OSBPL3: variants seen among roughly 807,000 people sequenced by gnomAD.
The protein encoded by OSBPL3 is oxysterol-binding protein-related protein 3.
A neutral mutation model predicts 120.1 loss-of-function variants in OSBPL3; 65 were observed. That is an observed-to-expected ratio of 0.54 (90% CI 0.44 to 0.67). OSBPL3 has a LOEUF of 0.67. OSBPL3 is among the 30% of genes least tolerant of loss of function. OSBPL3 has a pLI of 0.00. For synonymous variants in OSBPL3, 416 were observed against 402.6 expected (o/e 1.03, Z -0.40); for missense variants, 1,004 against 1,082.1 (o/e 0.93, Z 1.01).
At chr7:24,905,926 G>C (rs183485346) in intron 1 of OSBPL3, among the ~76,000 whole-genome samples, 1 of 152,010 alleles carries the variant, frequency 6.6e-6, no homozygotes, top group East Asian at 1.9e-4. Context: ...CAGCTATTTG[G>C]GAGGCTGAGG....
chr7:24,849,377 G>A lies in OSBPL3; in HGVS notation c.1159-201C>T. 2.5e-6 allele frequency: 1 copy of A among 395,138 alleles called. No individual in the cohort carries two copies. The highest frequency in any genetic ancestry group is 3.5e-5 in the South Asian group (1 of 28,402). The allele number at this position is 395,138 out of a possible 1,614,324, so 24.5% of individuals were successfully genotyped here. On this transcript the variant is annotated intron_variant, in intron 11 of 22. Transcript: ENST00000313367. The surrounding 1 kb of genome is among the most constrained non-coding windows in gnomAD (Gnocchi z 5.4). ...AGATGCCTGGGAGATGACAAACCTG[G>A]GCTCTGGAAATGATGCTCTTTTTCT...
In OSBPL3 at chr7:24,903,993, A is replaced by G. The variant is rs1807465722; in HGVS notation, c.-149-11372T>C. Among the ~76,000 whole-genome samples the G allele has an allele frequency of 2.7e-5, 4 of 150,444 alleles. No homozygotes were observed. In the South Asian group the frequency reaches 8.4e-4, roughly 32 times the overall value. On this transcript the variant is annotated intron_variant, in intron 1 of 22. Transcript: ENST00000313367. ...TGCCTCCCAGGTTCAAGCAATTCTC[A>G]TGTCTCAGCCTCCCGAGTAGCGGAG...
At chr7:24,960,600 T>A (rs1402219342) in intron 1 of OSBPL3, among the ~76,000 whole-genome samples, 1 of 152,032 alleles carries the variant, frequency 6.6e-6, no homozygotes, top group Non-Finnish European at 1.5e-5. Flanking sequence ...CTTACCCTCT[T>A]CTGAACCTGG....
At chr7:24,927,605 T>C (rs1289540124) in intron 1 of OSBPL3, among the ~76,000 whole-genome samples, 3 of 152,314 alleles carry the variant, frequency 2.0e-5, no homozygotes, top group South Asian at 4.2e-4. Flanking sequence ...CTGATGAAAA[T>C]GTGTATGGGT....
chr7:24,961,732 G>C (rs994969722), intron 1 of OSBPL3, among the ~76,000 whole-genome samples: 1 of 152,150 alleles, frequency 6.6e-6, no homozygotes, highest in Non-Finnish European at 1.5e-5. Context: ...TATTATAGCA[G>C]TCTGAACACA....
rs770663072 is a variant in OSBPL3, at chr7:24,822,678, G to A, written c.1885-2440C>T. Among the ~76,000 whole-genome samples, 3 of 152,140 alleles carry A rather than the reference G, an allele frequency of 2.0e-5. No homozygotes were observed. Among genetic ancestry groups the A allele is most frequent in the Non-Finnish European group, 2.9e-5 (2 of 68,038 alleles). On this transcript the variant is annotated intron_variant, in intron 16 of 22. Coordinates refer to ENST00000313367, the MANE Select transcript of OSBPL3 (RefSeq NM_015550.4). This position sits in a 1 kb window ranked among gnomAD's most constrained non-coding sequence, Gnocchi z 5.8. The stretch of plus-strand genomic sequence containing the variant: ...ATTTGGCATCTTTACAGGTATGGCC[G>A]AATGTAAACACAGTATATAAAAACC...
At chr7:24,870,991 C>G in intron 4 of OSBPL3, 146 bp from the exon 5 acceptor site, 1 of 645,238 alleles carries the variant, frequency 1.5e-6, no homozygotes, top group South Asian at 1.7e-5. Flanking sequence ...TGCTGAGTTA[C>G]GTGCTGGACA....
chr7:24,892,633 A>G lies in OSBPL3; in HGVS notation c.-149-12T>C. ...GGAAACCCTAAAACCTAAAAAAGAG[A>G]AATTAGAAAGAAGGTCAGAGGCATC... On this transcript the variant is annotated splice_polypyrimidine_tract_variant and intron_variant, in intron 1 of 22. Transcript: ENST00000313367. The G allele has an allele frequency of 7.4e-7, 1 of 1,349,946 alleles. No homozygotes were observed. The highest frequency in any genetic ancestry group is 9.6e-7 in the Non-Finnish European group (1 of 1,046,338). 83.6% of individuals were successfully genotyped at this position (1,349,946 alleles called of 1,614,324 possible).
At position 24,912,386 on chromosome 7, in the gene OSBPL3, AG is replaced by A. The variant is rs1346920165; in HGVS notation, c.-149-19766del. ...ATTTTAAAAATCAAATTCAGCAACC[AG>A]GGCCTTGATCTTCCTTGCATATTCC... On this transcript the variant is annotated intron_variant, in intron 1 of 22. Coordinates refer to ENST00000313367, the MANE Select transcript of OSBPL3 (RefSeq NM_015550.4). This position sits in a 1 kb window ranked among gnomAD's most constrained non-coding sequence, Gnocchi z 4.5. Among the ~76,000 whole-genome samples the A allele has an allele frequency of 6.6e-6, 1 of 152,216 alleles. No homozygotes were observed. Among genetic ancestry groups the A allele is most frequent in the Non-Finnish European group, 1.5e-5 (1 of 68,044 alleles).
intron 16 of OSBPL3, among the ~76,000 whole-genome samples, chr7:24,825,734 G>A (rs1331726795): frequency 6.6e-6 from 1 of 152,190 alleles, no homozygotes; most frequent in Admixed American, 6.5e-5. Context: ...GGAAGTGATG[G>A]GTGTGGCAAG....
chr7:24,869,584 G>C (rs982209335), intron 5 of OSBPL3, among the ~76,000 whole-genome samples: 3 of 152,180 alleles, frequency 2.0e-5, no homozygotes, highest in Non-Finnish European at 4.4e-5. Flanking sequence ...TCTAGAGAGA[G>C]GGCAGGGGGC....
chr7:24,905,900 C>T (rs191653124), intron 1 of OSBPL3, among the ~76,000 whole-genome samples: 6 of 152,092 alleles, frequency 3.9e-5, no homozygotes, highest in East Asian at 3.9e-4. Flanking sequence ...AGTGTGGTGG[C>T]GGGGACCTGT....
At chr7:24,961,317 G>T (rs1815709964) in intron 1 of OSBPL3, among the ~76,000 whole-genome samples, 1 of 152,166 alleles carries the variant, frequency 6.6e-6, no homozygotes, top group Admixed American at 6.5e-5. Flanking sequence ...TCAGGGGAGA[G>T]AGGCTCACCA....
chr7:24,949,761 G>T lies in OSBPL3; in HGVS notation c.-150+30125C>A, dbSNP rs777919629. Among the ~76,000 whole-genome samples, 44 of 152,086 alleles carry T rather than the reference G, an allele frequency of 2.9e-4. 1 individual carries two copies. The highest frequency in any genetic ancestry group is 5.1e-4 in the Non-Finnish European group (35 of 68,004). On this transcript the variant is annotated intron_variant, in intron 1 of 22. Coordinates refer to ENST00000313367, the MANE Select transcript of OSBPL3 (RefSeq NM_015550.4). The stretch of plus-strand genomic sequence containing the variant: ...CCAGTGCACAACCTCAAGCAGAGGG[G>T]TACAGGGATGGCTGTGTAAATGCTC...
intron 12 of OSBPL3, among the ~76,000 whole-genome samples, chr7:24,847,658 T>C (rs932271427): frequency 2.0e-5 from 3 of 152,236 alleles, no homozygotes; most frequent in Non-Finnish European, 1.5e-5. Context: ...GAACGTTATG[T>C]ATTTAACTAC....
rs1584417754 is a variant in OSBPL3 at position 24,862,584 on chromosome 7, C to A, written c.870+616G>T. 2.6e-5 allele frequency among the ~76,000 whole-genome samples: 4 copies of A among 152,256 alleles called. No homozygotes were observed. In the Middle Eastern group the frequency reaches 0.014, roughly 518 times the overall value. ...TACACAAGTGTATCAGGTGACCTAA[C>A]CAAAAGCTTGAGATTTATGTTGATT... On this transcript the variant is annotated intron_variant, in intron 9 of 22. Coordinates refer to ENST00000313367, the MANE Select transcript of OSBPL3 (RefSeq NM_015550.4). This position sits in a 1 kb window ranked among gnomAD's most constrained non-coding sequence, Gnocchi z 4.4.
intron 1 of OSBPL3, among the ~76,000 whole-genome samples, chr7:24,961,420 C>G (rs1024276840): frequency 6.6e-6 from 1 of 152,116 alleles, no homozygotes; most frequent in African/African-American, 2.4e-5. Context: ...TTATGTACCC[C>G]ACAAAAACCA....
At chr7:24,974,415 A>G (rs746105611) in intron 1 of OSBPL3, among the ~76,000 whole-genome samples, 5 of 152,220 alleles carry the variant, frequency 3.3e-5, no homozygotes, top group Non-Finnish European at 7.3e-5. Flanking sequence ...CATTTTGCTG[A>G]CTGCAACATA....
rs61301711 is a variant in OSBPL3 at position 24,933,599 on chromosome 7, C to T, written c.-149-40978G>A. ...TAAATCATTAATATTTCCGATTATG[C>T]TTCCATTCCCAAGAAAAACTAGTAA... On this transcript the variant is annotated intron_variant, in intron 1 of 22. Transcript: ENST00000313367. The surrounding 1 kb of genome is among the most constrained non-coding windows in gnomAD (Gnocchi z 5.1). 0.021 allele frequency among the ~76,000 whole-genome samples: 3,273 copies of T among 152,310 alleles called. 55 individuals carry two copies. The highest frequency in any genetic ancestry group is 0.054 in the Middle Eastern group (16 of 294).
Sources: gnomAD v4.1 joint callset for allele counts (sites outside exome capture counted in the v4.1 genomes callset) on GRCh38, gnomAD v4.1.1 for gene constraint, Gnocchi (gnomAD v3.1) non-coding constraint, MANE v1.5 for transcripts, NCBI Gene and HGNC (gene_info 2026-07-23, HGNC 2026-07-21) for gene names.